The following KCTD8 variants were observed in gnomAD, a reference collection of about 807,000 sequenced individuals.
KCTD8 encodes potassium channel tetramerization domain containing 8, also known as BTB/POZ domain-containing protein KCTD8.
A neutral mutation model predicts 31.5 loss-of-function variants in KCTD8; 27 were observed. The ratio of observed to expected loss-of-function variants is 0.86; its 90% CI spans 0.63 to 1.18. The LOEUF (loss-of-function observed/expected upper bound fraction) is 1.18, where lower values mean the gene tolerates loss of function less well. Among genes scored for constraint, KCTD8 ranks in the 50% most tolerant of loss-of-function variants. KCTD8 has a pLI of 0.00. For missense variants in KCTD8, 658 were observed against 647.7 expected, an observed-to-expected ratio of 1.02 and a Z score of -0.17; for synonymous variants, 290 against 280.0, an observed-to-expected ratio of 1.04 and a Z score of -0.36.
At chr4:44,381,892 C>G (rs1177549353) in intron 1 of KCTD8, among the ~76,000 whole-genome samples, 1 of 151,648 alleles carries the variant, frequency 6.6e-6, no homozygotes, top group African/African-American at 2.4e-5. Context: ...CCTACAGAAC[C>G]ATGAGCCAAT....
intron 1 of KCTD8, among the ~76,000 whole-genome samples, chr4:44,221,834 A>T (rs904101598): frequency 8.6e-5 from 13 of 151,776 alleles, no homozygotes; most frequent in Admixed American, 3.9e-4. Flanking sequence ...GTGTCTCCCA[A>T]TTCACTGACT....
intron 1 of KCTD8, among the ~76,000 whole-genome samples, chr4:44,370,407 T>C (rs1719750777): frequency 6.6e-6 from 1 of 152,170 alleles, no homozygotes; most frequent in African/African-American, 2.4e-5. Flanking sequence ...CATCTAGAAT[T>C]TTATATTATC....
intron 1 of KCTD8, among the ~76,000 whole-genome samples, chr4:44,265,337 A>G (rs1716312964): frequency 6.6e-6 from 1 of 152,268 alleles, no homozygotes; most frequent in Admixed American, 6.5e-5. Context: ...AGGGTACTGT[A>G]TGTTAGAAGG....
intron 1 of KCTD8, among the ~76,000 whole-genome samples, chr4:44,428,008 T>A (rs12498157): frequency 0.62 from 94,501 of 151,382 alleles, 31,245 homozygotes; most frequent in Non-Finnish European, 0.74. Flanking sequence ...GGCCTAATTA[T>A]TACTTTGAAA....
chr4:44,265,687 G>C (rs1000943966), intron 1 of KCTD8, among the ~76,000 whole-genome samples: 5 of 152,166 alleles, frequency 3.3e-5, no homozygotes, highest in Non-Finnish European at 2.9e-5. Flanking sequence ...CCAATACAGA[G>C]AAGTGCTTAA....
intron 1 of KCTD8, among the ~76,000 whole-genome samples, chr4:44,259,338 G>T (rs1023460929): frequency 6.6e-6 from 1 of 151,666 alleles, no homozygotes; most frequent in Non-Finnish European, 1.5e-5. Context: ...TAATCAGCCG[G>T]TTTCTCTTTT....
chr4:44,196,986 T>C (rs1013956515), intron 1 of KCTD8, among the ~76,000 whole-genome samples: 1 of 152,172 alleles, frequency 6.6e-6, no homozygotes, highest in African/African-American at 2.4e-5. Context: ...TCCAGCACAG[T>C]GACTGAGCTG....
chr4:44,238,993 A>C (rs1298101488), intron 1 of KCTD8, among the ~76,000 whole-genome samples: 1 of 152,192 alleles, frequency 6.6e-6, no homozygotes, highest in East Asian at 1.9e-4. Context: ...TTCTCTAAGG[A>C]AACAAAAAAC....
At chr4:44,377,434 G>A (rs1719943276) in intron 1 of KCTD8, among the ~76,000 whole-genome samples, 1 of 152,194 alleles carries the variant, frequency 6.6e-6, no homozygotes, top group Non-Finnish European at 1.5e-5. Flanking sequence ...GGCCAGCATA[G>A]GCTCAGGAAG....
intron 1 of KCTD8, among the ~76,000 whole-genome samples, chr4:44,445,795 T>C (rs571444436): frequency 6.6e-6 from 1 of 152,288 alleles, no homozygotes; most frequent in Admixed American, 6.5e-5. Context: ...TCTTCTGAAA[T>C]GTTTGGAAAT....
intron 1 of KCTD8, among the ~76,000 whole-genome samples, chr4:44,377,612 G>A (rs376013343): frequency 2.2e-4 from 33 of 152,256 alleles, no homozygotes; most frequent in East Asian, 7.8e-4. Context: ...TCCAGCCTGC[G>A]GCGTCCAGGA....
At chr4:44,198,296 A>T (rs1173893487) in intron 1 of KCTD8, among the ~76,000 whole-genome samples, 1 of 152,192 alleles carries the variant, frequency 6.6e-6, no homozygotes, top group Non-Finnish European at 1.5e-5. Flanking sequence ...ATTTTAAGAA[A>T]TATAGAGAAC....
intron 1 of KCTD8, among the ~76,000 whole-genome samples, chr4:44,369,631 C>T (rs927880887): frequency 1.3e-5 from 2 of 152,058 alleles, no homozygotes; most frequent in African/African-American, 2.4e-5. Context: ...CGTGGCAAAA[C>T]CCTGCCTTTA....
intron 1 of KCTD8, among the ~76,000 whole-genome samples, chr4:44,237,149 C>G (rs1198277877): frequency 6.6e-6 from 1 of 152,138 alleles, no homozygotes; most frequent in Non-Finnish European, 1.5e-5. Flanking sequence ...GTGGGACATT[C>G]ACCACATCCC....
intron 1 of KCTD8, among the ~76,000 whole-genome samples, chr4:44,271,784 C>G (rs1216478665): frequency 6.6e-6 from 1 of 152,088 alleles, no homozygotes; most frequent in Non-Finnish European, 1.5e-5. Context: ...TTTAGTTAAT[C>G]TATAATCTAT....
At chr4:44,344,071 A>T (rs2109420177) in intron 1 of KCTD8, among the ~76,000 whole-genome samples, 1 of 152,094 alleles carries the variant, frequency 6.6e-6, no homozygotes, top group East Asian at 1.9e-4. Context: ...GTTGGCCAGG[A>T]TGGTCTTGAT....
chr4:44,294,397 C>T (rs114285874), intron 1 of KCTD8, among the ~76,000 whole-genome samples: 157 of 152,240 alleles, frequency 1.0e-3, no homozygotes, highest in African/African-American at 3.5e-3. Flanking sequence ...TAAATTGAAA[C>T]CAGATTTTCT....
chr4:44,184,902 T>C (rs774370843), intron 1 of KCTD8, among the ~76,000 whole-genome samples: 82 of 152,284 alleles, frequency 5.4e-4, no homozygotes, highest in Admixed American at 8.5e-4. Flanking sequence ...AGGGCTTAGA[T>C]GGCATGTATT....
chr4:44,383,708 GAAACT>G (rs1240185213), intron 1 of KCTD8, among the ~76,000 whole-genome samples: 1 of 151,814 alleles, frequency 6.6e-6, no homozygotes, highest in Non-Finnish European at 1.5e-5. Flanking sequence ...CCTGAACTAT[GAAACT>G]ACTGGAAAAA....
Sources: gnomAD v4.1 joint callset for allele counts (sites outside exome capture counted in the v4.1 genomes callset) on GRCh38, gnomAD v4.1.1 for gene constraint, MANE v1.5 for transcripts, NCBI Gene and HGNC (gene_info 2026-07-23, HGNC 2026-07-21) for gene names.